Variants in CTNNA3 observed in about 807,000 individuals in gnomAD.
CTNNA3 encodes catenin alpha-3.
Under a neutral mutation model 95.7 loss-of-function variants are expected in CTNNA3, and 76 were observed. That is an observed-to-expected ratio of 0.79 (90% CI 0.66 to 0.96). The LOEUF (loss-of-function observed/expected upper bound fraction) is 0.96, where lower values mean the gene tolerates loss of function less well. Ranked by LOEUF, CTNNA3 falls within the 40% of genes least tolerant of loss-of-function variation. The pLI is 0.00. For synonymous variants in CTNNA3, 431 were observed against 374.4 expected, an observed-to-expected ratio of 1.15 and a Z score of -1.74; for missense variants, 1,191 against 1,089.8, an observed-to-expected ratio of 1.09 and a Z score of -1.31.
rs1199631290 is a variant in CTNNA3, at chr10:66,128,447, A to G, written c.1885-25198T>C. Among the ~76,000 whole-genome samples the G allele has an allele frequency of 2.6e-5, 4 of 152,150 alleles. No homozygotes were observed. In the East Asian group the frequency reaches 7.7e-4, roughly 29 times the overall value. The stretch of plus-strand genomic sequence containing the variant: ...ATACTGTGGTACATCCAGACAATAG[A>G]TATTATTCAGTGACACAAGCATGAA... On this transcript the variant is annotated intron_variant, in intron 13 of 17. Transcript: ENST00000433211.
chr10:67,011,365 G>A (rs567204657), intron 7 of CTNNA3, among the ~76,000 whole-genome samples: 17 of 150,782 alleles, frequency 1.1e-4, no homozygotes, highest in African/African-American at 4.1e-4. Context: ...AAGCTAGCCT[G>A]TTCTGTTTTT....
At chr10:67,364,215 T>C (rs1332290831) in intron 5 of CTNNA3, among the ~76,000 whole-genome samples, 1 of 152,030 alleles carries the variant, frequency 6.6e-6, no homozygotes, top group African/African-American at 2.4e-5. Flanking sequence ...ACAGTACCAA[T>C]GACAAAAACC....
At chr10:67,731,792 C>T (rs1421021726) in intron 1 of CTNNA3, among the ~76,000 whole-genome samples, 5 of 145,252 alleles carry the variant, frequency 3.4e-5, no homozygotes, top group Non-Finnish European at 7.5e-5. Context: ...ACGTGCAAGA[C>T]TCCGTCTCAA....
At chr10:66,161,627 A>C (rs1174752196) in intron 13 of CTNNA3, among the ~76,000 whole-genome samples, 1 of 152,190 alleles carries the variant, frequency 6.6e-6, no homozygotes, top group Non-Finnish European at 1.5e-5. Flanking sequence ...CACAGCTCTT[A>C]AGAGTCTTTC....
chr10:67,166,364 G>GT (rs898280880), intron 7 of CTNNA3, among the ~76,000 whole-genome samples: 3 of 151,586 alleles, frequency 2.0e-5, no homozygotes, highest in South Asian at 2.1e-4. Context: ...AGCTTTCTTG[G>GT]TTTTTTTTCA....
chr10:66,696,588 G>A (rs1425671708), intron 9 of CTNNA3, among the ~76,000 whole-genome samples: 1 of 151,954 alleles, frequency 6.6e-6, no homozygotes, highest in Non-Finnish European at 1.5e-5. Context: ...TAGTTATGAG[G>A]AAAAAAATAT....
chr10:67,511,734 C>T (rs1217757055), intron 5 of CTNNA3, among the ~76,000 whole-genome samples: 1 of 152,168 alleles, frequency 6.6e-6, no homozygotes, highest in African/African-American at 2.4e-5. Flanking sequence ...AGGATTCCCT[C>T]TTTTACTATT....
chr10:66,227,676 G>T (rs535650751), intron 13 of CTNNA3, among the ~76,000 whole-genome samples: 1 of 152,054 alleles, frequency 6.6e-6, no homozygotes, highest in African/African-American at 2.4e-5. Flanking sequence ...TCAGGGTAAT[G>T]CTTCCCTTAT....
At chr10:66,017,601 T>C (rs2079118627) in intron 15 of CTNNA3, among the ~76,000 whole-genome samples, 1 of 152,014 alleles carries the variant, frequency 6.6e-6, no homozygotes, top group Non-Finnish European at 1.5e-5. Flanking sequence ...TGGCAGTGAG[T>C]TGGTGAATTA....
intron 10 of CTNNA3, among the ~76,000 whole-genome samples, chr10:66,591,691 T>C (rs983638454): frequency 1.3e-5 from 2 of 152,128 alleles, no homozygotes; most frequent in African/African-American, 2.4e-5. Flanking sequence ...TCCCACATAG[T>C]ATTCTCTCTT....
intron 3 of CTNNA3, among the ~76,000 whole-genome samples, chr10:67,553,649 G>A (rs1001226826): frequency 3.3e-5 from 5 of 151,946 alleles, no homozygotes; most frequent in Non-Finnish European, 5.9e-5. Context: ...CTTACACAAT[G>A]GATGGAAGAG....
chr10:67,440,233 G>A (rs917949262), intron 5 of CTNNA3, among the ~76,000 whole-genome samples: 3 of 152,310 alleles, frequency 2.0e-5, no homozygotes, highest in African/African-American at 2.4e-5. Context: ...TGGTGGTGGC[G>A]ATGGAAAGAG....
At position 65,920,558 on chromosome 10, in the gene CTNNA3, T is replaced by C. The variant is rs2133106495; in HGVS notation, c.2460A>G (p.Gln820=). Residue 820 remains glutamine, a synonymous_variant, in exon 18 of 18, where the codon CAA becomes CAG. Coordinates refer to ENST00000433211, the MANE Select transcript of CTNNA3 (RefSeq NM_013266.4). ...AGGCAATGTAAGACATTTTCACTGT[T>C]TGCACTACAGCATTCATTAAATTTT... is the stretch of plus-strand genomic sequence containing the variant. ...AAKNLMNAVV[Q]TVKMSYIAST... 1.2e-6 allele frequency: 2 copies of C among 1,614,166 alleles called. No individual in the cohort carries two copies. The highest frequency in any genetic ancestry group is 2.2e-5 in the East Asian group (1 of 44,876).
chr10:66,296,572 TAC>T (rs71035121), intron 12 of CTNNA3, among the ~76,000 whole-genome samples: 16 of 149,904 alleles, frequency 1.1e-4, no homozygotes, highest in Admixed American at 7.3e-4. Flanking sequence ...TGTATATATA[TAC>T]ACACACACAC....
chr10:67,045,876 C>A (rs1393460557), intron 7 of CTNNA3, among the ~76,000 whole-genome samples: 1 of 152,144 alleles, frequency 6.6e-6, no homozygotes. Flanking sequence ...TAACCTGGTC[C>A]CCCAAATAAT....
chr10:67,280,470 T>C (rs1326766824), intron 5 of CTNNA3, among the ~76,000 whole-genome samples: 6 of 151,806 alleles, frequency 4.0e-5, no homozygotes, highest in Admixed American at 6.6e-5. Context: ...CACAGATCCA[T>C]TGAAAGGTAA....
intron 13 of CTNNA3, among the ~76,000 whole-genome samples, chr10:66,110,136 G>C (rs2082064932): frequency 6.6e-6 from 1 of 151,882 alleles, no homozygotes; most frequent in Non-Finnish European, 1.5e-5. Context: ...AAAGGAGGGT[G>C]GATCACCTGA....
At chr10:67,229,053 G>A (rs1416871162) in intron 5 of CTNNA3, among the ~76,000 whole-genome samples, 1 of 152,086 alleles carries the variant, frequency 6.6e-6, no homozygotes, top group East Asian at 1.9e-4. Flanking sequence ...GATGAATATA[G>A]ATGCTAAAAT....
chr10:67,710,573 T>G (rs1490477908), intron 1 of CTNNA3, among the ~76,000 whole-genome samples: 2 of 152,102 alleles, frequency 1.3e-5, no homozygotes, highest in Non-Finnish European at 2.9e-5. Flanking sequence ...TATCACACAG[T>G]GACATATCCA....
Sources: gnomAD v4.1 joint callset for allele counts (sites outside exome capture counted in the v4.1 genomes callset) on GRCh38, gnomAD v4.1.1 for gene constraint, MANE v1.5 for transcripts, NCBI Gene and HGNC (gene_info 2026-07-23, HGNC 2026-07-21) for gene names.